The following NCKAP5 variants were observed in gnomAD, a reference collection of about 807,000 sequenced individuals.
NCKAP5 encodes NCK associated protein 5, also known as nck-associated protein 5.
In NCKAP5, 92 loss-of-function variants were observed where a neutral mutation model predicts 167.0. The ratio of observed to expected loss-of-function variants is 0.55; its 90% confidence interval spans 0.47 to 0.66. The LOEUF is 0.66. Ranked by LOEUF, NCKAP5 falls within the 30% of genes least tolerant of loss-of-function variation. NCKAP5 has a pLI of 0.00. For synonymous variants in NCKAP5, 891 were observed against 877.4 expected (o/e 1.02, Z -0.27); for missense variants, 2,378 against 2,315.0 (o/e 1.03, Z -0.56).
intron 11 of NCKAP5, among the ~76,000 whole-genome samples, chr2:132,806,550 T>C (rs1685455451): frequency 6.6e-6 from 1 of 152,188 alleles, no homozygotes. Flanking sequence ...ATATGTTTGG[T>C]AGCCATTTGT....
At chr2:132,854,199 C>A (rs548383575) in intron 11 of NCKAP5, among the ~76,000 whole-genome samples, 2 of 152,280 alleles carry the variant, frequency 1.3e-5, no homozygotes, top group African/African-American at 2.4e-5. Flanking sequence ...ACCACATACA[C>A]CTTACGTGAT....
Position 132,773,864 on chromosome 2 carries a change from C to T in NCKAP5, c.5080G>A (p.Asp1694Asn), listed in dbSNP as rs1266397796. The T allele has an allele frequency of 6.2e-7, 1 of 1,610,852 alleles. No individual in the cohort carries two copies. Among genetic ancestry groups the T allele is most frequent in the South Asian group, 1.1e-5 (1 of 90,096 alleles). ...VKEANENLQE[D>N]EDDAVADSVF... ...GAATCTGCAACTGCATCGTCTTCATCCTCTTGCAAGTTTTCATTTGCCTCT... is the reference window on the plus strand; with the variant it reads ...GAATCTGCAACTGCATCGTCTTCATTCTCTTGCAAGTTTTCATTTGCCTCT... The change falls in exon 16 of 20, where the codon GAT becomes AAT. Residue 1694 changes from aspartate (D) to asparagine (N), a missense_variant. This residue lies in a region of NCKAP5 where 1,325 missense variants were observed against 1,274.5 expected (regional missense o/e 1.04). Transcript: ENST00000409261.
intron 3 of NCKAP5, among the ~76,000 whole-genome samples, chr2:133,432,015 G>T (rs1157838100): frequency 6.6e-6 from 1 of 152,024 alleles, no homozygotes; most frequent in Non-Finnish European, 1.5e-5. Context: ...CAAACACATG[G>T]ATCCGATAAA....
At chr2:133,146,178 T>A (rs2083190177) in intron 5 of NCKAP5, among the ~76,000 whole-genome samples, 1 of 149,112 alleles carries the variant, frequency 6.7e-6, no homozygotes, top group Admixed American at 6.7e-5. Flanking sequence ...GGAAGCAACA[T>A]CTAGATAAAA....
intron 3 of NCKAP5, among the ~76,000 whole-genome samples, chr2:133,499,551 TTTTTGTTTTTTG>T (rs1682295904): frequency 6.5e-4 from 1 of 1,544 alleles, no homozygotes; most frequent in Non-Finnish European, 9.1e-4. Context: ...TAAGTGTTCT[TTTTTGTTTTTTG>T]TTTTTTGTTT....
At position 132,782,856 on chromosome 2, in the gene NCKAP5, TG is replaced by T. The variant is rs1345205326; in HGVS notation, c.3954del (p.Thr1319ArgfsTer52). The T allele has an allele frequency of 6.2e-7, 1 of 1,613,696 alleles. No homozygotes were observed. The highest frequency in any genetic ancestry group is 8.5e-7 in the Non-Finnish European group (1 of 1,179,808). ...GGGGCCTTGTTGGGAGAGCTTTCCG[TG>T]GAAGAGTTCTGCCGGGTAAGAGAAT... ...RGNSLTRQNS[S>X]TESSPNKAPS... On this transcript the variant is annotated frameshift_variant, in exon 14 of 20. Transcript: ENST00000409261. LOFTEE classifies it high-confidence loss of function.
intron 8 of NCKAP5, among the ~76,000 whole-genome samples, chr2:132,929,485 T>C (rs1456328732): frequency 6.6e-6 from 1 of 152,216 alleles, no homozygotes; most frequent in African/African-American, 2.4e-5. Flanking sequence ...GTTAAAATTG[T>C]TCATATTTCA....
At chr2:132,890,173 A>G (rs570208319) in intron 8 of NCKAP5, among the ~76,000 whole-genome samples, 3 of 152,306 alleles carry the variant, frequency 2.0e-5, no homozygotes, top group African/African-American at 4.8e-5. Flanking sequence ...CATAGGTAAG[A>G]AAAGGTGCTT....
chr2:133,461,137 G>A (rs1002436076), intron 3 of NCKAP5, among the ~76,000 whole-genome samples: 2 of 152,028 alleles, frequency 1.3e-5, no homozygotes, highest in African/African-American at 2.4e-5. Flanking sequence ...AGAGAGGGGC[G>A]GGAAATGACA....
At chr2:133,591,501 T>A in the NCKAP5 span, among the ~76,000 whole-genome samples, 2 of 152,196 alleles carry the variant, frequency 1.3e-5, no homozygotes, top group African/African-American at 2.4e-5. Flanking sequence ...TAGGTATTTG[T>A]CAGAGGCAGA....
chr2:132,712,553 G>T (rs375220988), intron 19 of NCKAP5, among the ~76,000 whole-genome samples: 7 of 152,278 alleles, frequency 4.6e-5, no homozygotes, highest in African/African-American at 1.7e-4. Flanking sequence ...TCAGGAGGCT[G>T]AGGCAGGAGA....
chr2:133,495,758 G>A (rs1681888922), intron 3 of NCKAP5, among the ~76,000 whole-genome samples: 1 of 152,162 alleles, frequency 6.6e-6, no homozygotes, highest in South Asian at 2.1e-4. Context: ...TCTGGGTAGT[G>A]TAAATAGTAG....
chr2:133,067,851 C>G (rs1326497322), intron 6 of NCKAP5, among the ~76,000 whole-genome samples: 1 of 151,932 alleles, frequency 6.6e-6, no homozygotes, highest in Admixed American at 6.6e-5. Flanking sequence ...GAGGGGAATG[C>G]TCTTGAAATT....
chr2:132,909,120 GA>G (rs1694234322), intron 8 of NCKAP5, among the ~76,000 whole-genome samples: 1 of 152,206 alleles, frequency 6.6e-6, no homozygotes, highest in Non-Finnish European at 1.5e-5. Flanking sequence ...GCCAAAGCAG[GA>G]GGACCACTTG....
intron 19 of NCKAP5, among the ~76,000 whole-genome samples, chr2:132,700,540 T>C (rs528046344): frequency 6.6e-6 from 1 of 152,314 alleles, no homozygotes; most frequent in African/African-American, 2.4e-5. Flanking sequence ...GCTTTCTACA[T>C]ATGGCTAGCC....
intron 11 of NCKAP5, among the ~76,000 whole-genome samples, chr2:132,851,667 C>T (rs1689091040): frequency 6.6e-6 from 1 of 152,170 alleles, no homozygotes; most frequent in Admixed American, 6.5e-5. Flanking sequence ...CCCTCCCCTC[C>T]CTTCCTTGAC....
At chr2:133,036,752 C>G (rs1172583327) in intron 6 of NCKAP5, among the ~76,000 whole-genome samples, 1 of 151,988 alleles carries the variant, frequency 6.6e-6, no homozygotes, top group Admixed American at 6.6e-5. Context: ...CCTTTAATAT[C>G]TGAAACATGA....
intron 11 of NCKAP5, among the ~76,000 whole-genome samples, chr2:132,836,410 T>C (rs1440181131): frequency 3.3e-5 from 5 of 151,878 alleles, no homozygotes; most frequent in Non-Finnish European, 7.4e-5. Flanking sequence ...TTCCTAGGAG[T>C]ATTTTTTTTT....
At chr2:133,017,052 C>T (rs969898556) in intron 6 of NCKAP5, among the ~76,000 whole-genome samples, 1 of 152,182 alleles carries the variant, frequency 6.6e-6, no homozygotes, top group Admixed American at 6.5e-5. Context: ...CCTTTCCACA[C>T]CAACCTTCTA....
Sources: allele counts gnomAD v4.1 joint callset (sites outside exome capture counted in the v4.1 genomes callset), GRCh38; gene constraint gnomAD v4.1.1; regional missense constraint gnomAD v4.1.1; transcripts MANE v1.5; gene names NCBI Gene and HGNC (gene_info 2026-07-23, HGNC 2026-07-21).